SSR1: variants seen among roughly 807,000 people sequenced by gnomAD.
SSR1 encodes translocon-associated protein subunit alpha.
A neutral mutation model predicts 36.1 loss-of-function variants in SSR1; 13 were observed. The ratio of observed to expected loss-of-function variants is 0.36; its 90% CI spans 0.23 to 0.57. The LOEUF is 0.57. Among genes scored for constraint, SSR1 ranks in the 20% least tolerant of loss-of-function variants. SSR1 has a pLI of 0.81. For missense variants in SSR1, 291 were observed against 338.5 expected (o/e 0.86, Z 1.10); for synonymous variants, 113 against 118.9 (o/e 0.95, Z 0.32).
chr6:7,299,765 A>C (rs568335313), intron 4 of SSR1, among the ~76,000 whole-genome samples: 59 of 152,276 alleles, frequency 3.9e-4, no homozygotes, highest in African/African-American at 1.4e-3. Flanking sequence ...AGGTATGAAA[A>C]TATTTTTATG....
intron 3 of SSR1, 53 bp downstream of exon 3, chr6:7,303,497 C>G (rs1239422809): frequency 2.7e-5 from 35 of 1,291,904 alleles, no homozygotes; most frequent in Non-Finnish European, 3.9e-5. Flanking sequence ...TATGAACAAG[C>G]TCATCGTTTT....
At chr6:7,290,995 G>A (rs977813604) in intron 7 of SSR1, among the ~76,000 whole-genome samples, 2 of 151,990 alleles carry the variant, frequency 1.3e-5, no homozygotes, top group Admixed American at 6.6e-5. Flanking sequence ...AGCGATTTTC[G>A]TGCCTCAGCC....
At position 7,288,091 on chromosome 6, in the gene SSR1, A is replaced by G. The variant is rs563236450; in HGVS notation, c.*1773T>C. 6.6e-5 allele frequency: 10 copies of G among 152,236 alleles called. No homozygotes were observed. Among genetic ancestry groups the G allele is most frequent in the East Asian group, 1.9e-4 (1 of 5,194 alleles). 9.4% of individuals were successfully genotyped at this position (152,236 alleles called of 1,614,324 possible). ...TGCCTACGTTAGTACCAGGTATTCC[A>G]TAAAACTCTGTAGAGGCCATTTACA... On this transcript the variant is annotated 3_prime_UTR_variant, in exon 8 of 8. Coordinates refer to ENST00000244763, the MANE Select transcript of SSR1 (RefSeq NM_003144.5).
intron 7 of SSR1, among the ~76,000 whole-genome samples, chr6:7,290,374 C>T (rs985652652): frequency 6.6e-6 from 1 of 151,548 alleles, no homozygotes; most frequent in Non-Finnish European, 1.5e-5. Context: ...TATTTCAATG[C>T]TAAAACAATT....
chr6:7,308,407 A>G (rs1277837471), intron 2 of SSR1, among the ~76,000 whole-genome samples: 1 of 152,222 alleles, frequency 6.6e-6, no homozygotes, highest in Non-Finnish European at 1.5e-5. Flanking sequence ...TGATACTGAA[A>G]TAAGAAAATA....
In SSR1 at chr6:7,303,652, A is replaced by C. The variant is rs748385304; in HGVS notation, c.193-15T>G. On this transcript the variant is annotated splice_polypyrimidine_tract_variant and intron_variant, in intron 2 of 7. Coordinates refer to ENST00000244763, the MANE Select transcript of SSR1 (RefSeq NM_003144.5). ...TTATCTTCTACCTAAGAAAAAGAACAATTAAGAGGAGATTACTATGGGAGA... is the reference window on the plus strand; with the variant it reads ...TTATCTTCTACCTAAGAAAAAGAACCATTAAGAGGAGATTACTATGGGAGA... 6.4e-7 allele frequency: 1 copy of C among 1,571,996 alleles called. No individual in the cohort carries two copies. The highest frequency in any genetic ancestry group is 8.7e-7 in the Non-Finnish European group (1 of 1,150,644).
chr6:7,302,075 G>A (rs1757948114), intron 3 of SSR1, among the ~76,000 whole-genome samples: 1 of 152,110 alleles, frequency 6.6e-6, no homozygotes, highest in African/African-American at 2.4e-5. Context: ...TGAAGGTTAA[G>A]ACCCAAGGAT....
Position 7,310,080 on chromosome 6 carries a change from T to G in SSR1, c.80-51A>C, listed in dbSNP as rs754190566. ...GTTACCCTTTACTCTGAAATACTAA[T>G]TTCTTTTTTTAACATCAGGTATAGG... is the stretch of plus-strand genomic sequence containing the variant. On this transcript the variant is annotated intron_variant, in intron 1 of 7. Transcript: ENST00000244763. 7 of 1,500,758 alleles carry G rather than the reference T, an allele frequency of 4.7e-6. No individual in the cohort carries two copies. The African/African-American group carries it at 5.6e-5, about 12-fold the overall frequency. The allele number at this position is 1,500,758 out of a possible 1,614,324, so 93.0% of individuals were successfully genotyped here. A position where few individuals can be genotyped will look rare whatever the true frequency, so the allele number is the denominator to read the frequency against.
At chr6:7,292,283 G>C (rs570574921) in intron 7 of SSR1, among the ~76,000 whole-genome samples, 25 of 152,260 alleles carry the variant, frequency 1.6e-4, no homozygotes, top group African/African-American at 6.0e-4. Flanking sequence ...CTCTTTCCTA[G>C]ATTATGGGAC....
chr6:7,281,772 T>C lies in SSR1; in HGVS notation c.*8092A>G, dbSNP rs1319242542. 1 of 152,198 alleles carries C rather than the reference T, an allele frequency of 6.6e-6. No homozygotes were observed. 9.4% of individuals were successfully genotyped at this position (152,198 alleles called of 1,614,324 possible). On this transcript the variant is annotated 3_prime_UTR_variant, in exon 8 of 8. Transcript: ENST00000244763. ...CAAAAAGTTAGACTGGGGAGATTTATGGAGAGAAGCAAGCACCTGTGATTT... is the reference window on the plus strand; with the variant it reads ...CAAAAAGTTAGACTGGGGAGATTTACGGAGAGAAGCAAGCACCTGTGATTT...
chr6:7,308,140 G>T (rs1462562475), intron 2 of SSR1, among the ~76,000 whole-genome samples: 1 of 152,078 alleles, frequency 6.6e-6, no homozygotes, highest in Non-Finnish European at 1.5e-5. Flanking sequence ...AACCCTAAAG[G>T]TATGTGTATA....
chr6:7,312,528 T>G (rs1193592050), intron 1 of SSR1, among the ~76,000 whole-genome samples: 1 of 152,096 alleles, frequency 6.6e-6, no homozygotes, highest in East Asian at 1.9e-4. Context: ...AACAAGACAC[T>G]CTGATGGCTT....
At chr6:7,295,547 T>A (rs1757776342) in intron 6 of SSR1, 62 bp from the exon 7 acceptor site, 1 of 1,256,338 alleles carries the variant, frequency 8.0e-7, no homozygotes, top group Non-Finnish European at 1.1e-6. Flanking sequence ...TAATATTTTT[T>A]AAAAAAGAGT....
intron 2 of SSR1, among the ~76,000 whole-genome samples, chr6:7,307,652 C>G (rs2113299815): frequency 6.6e-6 from 1 of 152,316 alleles, no homozygotes; most frequent in South Asian, 2.1e-4. Context: ...AGTGATCCTC[C>G]TGCCTCAACA....
At position 7,283,864 on chromosome 6, in the gene SSR1, G is replaced by C. The variant is rs748183070; in HGVS notation, c.*6000C>G. The stretch of plus-strand genomic sequence containing the variant: ...GCTCCTACCCTATTCCAACCAAGCC[G>C]GAAATGGCAACAGACCAAACGTGAG... On this transcript the variant is annotated 3_prime_UTR_variant, in exon 8 of 8. Coordinates refer to ENST00000244763, the MANE Select transcript of SSR1 (RefSeq NM_003144.5). The C allele has an allele frequency of 6.6e-6, 1 of 152,244 alleles. No individual in the cohort carries two copies. The highest frequency in any genetic ancestry group is 2.4e-5 in the African/African-American group (1 of 41,436). 9.4% of individuals were successfully genotyped at this position (152,244 alleles called of 1,614,324 possible). A position where few individuals can be genotyped will look rare whatever the true frequency, so the allele number is the denominator to read the frequency against.
At position 7,312,940 on chromosome 6, in the gene SSR1, G is replaced by A. The variant is rs936629722; in HGVS notation, c.79+102C>T. The A allele has an allele frequency of 5.0e-6, 6 of 1,191,198 alleles. No homozygotes were observed. The Admixed American group carries it at 1.0e-4, about 20-fold the overall frequency. 73.8% of individuals were successfully genotyped at this position (1,191,198 alleles called of 1,614,324 possible). A position where few individuals can be genotyped will look rare whatever the true frequency, so the allele number is the denominator to read the frequency against. ...GCGGAGAGAGGCCAGCGGGGTGGACGCGGACCCCAGGACCCGGAGCGGCCA... is the reference window on the plus strand; with the variant it reads ...GCGGAGAGAGGCCAGCGGGGTGGACACGGACCCCAGGACCCGGAGCGGCCA... On this transcript the variant is annotated intron_variant, in intron 1 of 7. Transcript: ENST00000244763.
rs1252383455 is a variant in SSR1 at position 7,289,771 on chromosome 6, T to C, written c.*93A>G. The C allele has an allele frequency of 5.1e-6, 6 of 1,167,432 alleles. No homozygotes were observed. Among genetic ancestry groups the C allele is most frequent in the Non-Finnish European group, 7.3e-6 (6 of 826,570 alleles). The allele number at this position is 1,167,432 out of a possible 1,614,324, so 72.3% of individuals were successfully genotyped here. On this transcript the variant is annotated 3_prime_UTR_variant, in exon 8 of 8. Coordinates refer to ENST00000244763, the MANE Select transcript of SSR1 (RefSeq NM_003144.5). ...CCACACACAAGTAGGAGTTGCCTTCTATGGTGACATGGCTTCTCTGCACTA... is the reference window on the plus strand; with the variant it reads ...CCACACACAAGTAGGAGTTGCCTTCCATGGTGACATGGCTTCTCTGCACTA...
Position 7,301,529 on chromosome 6 carries a change from G to A in SSR1, c.324C>T (p.Thr108=), listed in dbSNP as rs898696433. 1 of 1,613,606 alleles carries A rather than the reference G, an allele frequency of 6.2e-7. No individual in the cohort carries two copies. Among genetic ancestry groups the A allele is most frequent in the South Asian group, 1.1e-5 (1 of 91,010 alleles). The part of the protein sequence containing the change: ...NNIVKFLVGF[T]NKGTEDFIVE... Reference sequence around the variant, plus strand: ...CAATAAAATCTTCTGTACCCTTGTTGGTAAAGCCTACCAGGAACTTCACAA... The same window carrying A: ...CAATAAAATCTTCTGTACCCTTGTTAGTAAAGCCTACCAGGAACTTCACAA... The change falls in exon 4 of 8, where the codon ACC becomes ACT. Residue 108 remains threonine (T), a synonymous_variant. Coordinates refer to ENST00000244763, the MANE Select transcript of SSR1 (RefSeq NM_003144.5).
intron 7 of SSR1, chr6:7,295,082 C>T (rs1186350103): frequency 1.3e-6 from 2 of 1,513,678 alleles, no homozygotes; most frequent in South Asian, 1.3e-5. Context: ...AAATTAAATG[C>T]CTCACCTCTT....
Sources: allele counts gnomAD v4.1 joint callset (sites outside exome capture counted in the v4.1 genomes callset), GRCh38; gene constraint gnomAD v4.1.1; transcripts MANE v1.5; gene names NCBI Gene and HGNC (gene_info 2026-07-23, HGNC 2026-07-21).